The following NEO1 variants were observed in gnomAD, a reference collection of about 807,000 sequenced individuals.
The protein encoded by NEO1 is neogenin 1.
A neutral mutation model predicts 159.7 loss-of-function variants in NEO1; 63 were observed. That is an observed-to-expected ratio of 0.39 (90% confidence interval 0.32 to 0.49). The LOEUF is 0.49. Ranked by LOEUF, NEO1 falls within the 20% of genes least tolerant of loss-of-function variation. The pLI, the probability that NEO1 is intolerant of heterozygous loss-of-function variation, is 0.85. For missense variants in NEO1, 1,615 were observed against 1,831.0 expected (o/e 0.88, Z 2.15); for synonymous variants, 633 against 662.0 (o/e 0.96, Z 0.67).
chr15:73,288,726 GGA>G (rs1211907013), intron 24 of NEO1, among the ~76,000 whole-genome samples, 175 bp downstream of exon 24: 7 of 152,062 alleles, frequency 4.6e-5, no homozygotes, highest in Non-Finnish European at 8.8e-5. Context: ...GCTTCTTATG[GGA>G]GAGAGATTCT....
At chr15:73,242,339 G>C (rs556026914) in intron 8 of NEO1, among the ~76,000 whole-genome samples, 6 of 152,068 alleles carry the variant, frequency 3.9e-5, no homozygotes, top group Non-Finnish European at 8.8e-5. Flanking sequence ...CGGTATTCTT[G>C]CAGTAAAGTA....
intron 1 of NEO1, among the ~76,000 whole-genome samples, chr15:73,115,631 A>C (rs1191932163): frequency 6.6e-6 from 1 of 152,192 alleles, no homozygotes; most frequent in African/African-American, 2.4e-5. Flanking sequence ...GATTTTTCAC[A>C]TGAAGAAAGC....
At chr15:73,252,197 A>C (rs2254818) in intron 11 of NEO1, among the ~76,000 whole-genome samples, 14,390 of 152,262 alleles carry the variant, frequency 0.095, 910 homozygotes, top group African/African-American at 0.17. Context: ...TTAGTTGTAT[A>C]CCTGGTCACC....
chr15:73,161,252 T>C (rs1428791512), intron 5 of NEO1, among the ~76,000 whole-genome samples: 1 of 152,378 alleles, frequency 6.6e-6, no homozygotes, highest in East Asian at 1.9e-4. Context: ...CATTAAATTT[T>C]TGATACGTAT....
At chr15:73,173,734 A>C (rs1006951497) in intron 5 of NEO1, among the ~76,000 whole-genome samples, 2 of 152,346 alleles carry the variant, frequency 1.3e-5, no homozygotes, top group Admixed American at 1.3e-4. Context: ...TGTATAGCTT[A>C]CTGTATTAGT....
chr15:73,120,947 G>A (rs1004125253), intron 2 of NEO1, among the ~76,000 whole-genome samples: 4 of 152,078 alleles, frequency 2.6e-5, no homozygotes, highest in African/African-American at 4.8e-5. Context: ...ACATCTTATC[G>A]TATCTGCCTT....
intron 5 of NEO1, among the ~76,000 whole-genome samples, chr15:73,168,340 G>C (rs1404460713): frequency 7.6e-6 from 1 of 132,056 alleles, no homozygotes; most frequent in Non-Finnish European, 1.6e-5. Context: ...TGCACCACAG[G>C]GTCCAGCTAA....
At position 73,052,699 on chromosome 15, in the gene NEO1, G is replaced by C; in HGVS notation, c.24G>C (p.Arg8=). The change falls in exon 1 of 29, where the codon CGG becomes CGC. Residue 8 remains arginine (R), a synonymous_variant. Coordinates refer to ENST00000261908, the MANE Select transcript of NEO1 (RefSeq NM_002499.4). MAAERGA[R]RLLSTPSFWL... ...AGATGGCGGCGGAGCGGGGAGCCCG[G>C]CGACTCCTCAGCACCCCCTCCTTCT... is the stretch of plus-strand genomic sequence containing the variant. The C allele has an allele frequency of 7.4e-7, 1 of 1,360,168 alleles. No individual in the cohort carries two copies. The highest frequency in any genetic ancestry group is 9.5e-7 in the Non-Finnish European group (1 of 1,049,462). 84.3% of individuals were successfully genotyped at this position (1,360,168 alleles called of 1,614,324 possible).
At chr15:73,117,474 G>A (rs1435814794) in intron 2 of NEO1, among the ~76,000 whole-genome samples, 3 of 152,174 alleles carry the variant, frequency 2.0e-5, no homozygotes, top group African/African-American at 4.8e-5. Context: ...GTAGATACTA[G>A]CGTTCCTGAG....
chr15:73,173,378 G>A (rs1220805232), intron 5 of NEO1, among the ~76,000 whole-genome samples: 1 of 152,108 alleles, frequency 6.6e-6, no homozygotes, highest in Non-Finnish European at 1.5e-5. Context: ...CCCAGGAATA[G>A]GCAGATGGAT....
chr15:73,065,505 C>G (rs1267182070), intron 1 of NEO1, among the ~76,000 whole-genome samples: 2 of 152,028 alleles, frequency 1.3e-5, no homozygotes, highest in Admixed American at 1.3e-4. Flanking sequence ...TGTGTTTTTT[C>G]AACACTTTAC....
rs59520398 is a variant in NEO1 at position 73,296,148 on chromosome 15, A to G, written c.3902-2200A>G. Among the ~76,000 whole-genome samples the G allele has an allele frequency of 9.8e-3, 1,486 of 152,254 alleles. 22 individuals carry two copies. The highest frequency in any genetic ancestry group is 0.034 in the African/African-American group (1,404 of 41,538). On this transcript the variant is annotated intron_variant, in intron 26 of 28. Transcript: ENST00000261908. ...CTTTTGCGCCATCTCTTTGGCCCTC[A>G]GAAGCTTATATATCCAGTTACAGAC...
At chr15:73,284,098 C>CA (rs2041842943) in intron 23 of NEO1, among the ~76,000 whole-genome samples, 1 of 151,964 alleles carries the variant, frequency 6.6e-6, no homozygotes, top group African/African-American at 2.4e-5. Context: ...TACAGTCCTA[C>CA]ACTTGAAAGA....
At chr15:73,156,683 AT>A (rs1414983474) in intron 5 of NEO1, among the ~76,000 whole-genome samples, 1 of 152,186 alleles carries the variant, frequency 6.6e-6, no homozygotes, top group African/African-American at 2.4e-5. Context: ...AGTAGGTTTT[AT>A]GCCTAACCTC....
At chr15:73,125,672 A>G (rs971099038) in intron 3 of NEO1, among the ~76,000 whole-genome samples, 1 of 152,228 alleles carries the variant, frequency 6.6e-6, no homozygotes, top group African/African-American at 2.4e-5. Context: ...TCTGCCCACA[A>G]GAGTGTGGCC....
At chr15:73,142,308 C>T (rs1419699727) in intron 5 of NEO1, among the ~76,000 whole-genome samples, 1 of 152,108 alleles carries the variant, frequency 6.6e-6, no homozygotes, top group African/African-American at 2.4e-5. Context: ...GTTGAAGCTG[C>T]GATGACAAGC....
intron 4 of NEO1, among the ~76,000 whole-genome samples, chr15:73,134,795 G>T (rs902980146): frequency 6.6e-6 from 1 of 151,992 alleles, no homozygotes; most frequent in African/African-American, 2.4e-5. Flanking sequence ...GATCACCTGG[G>T]GTCAGGAGTT....
intron 7 of NEO1, among the ~76,000 whole-genome samples, chr15:73,215,452 C>G (rs1167343276): frequency 2.6e-5 from 4 of 152,238 alleles, no homozygotes; most frequent in African/African-American, 9.6e-5. Context: ...AAGTATGTCC[C>G]TTGTATGCTG....
chr15:73,197,395 G>A (rs533905055), intron 7 of NEO1, among the ~76,000 whole-genome samples: 2 of 152,046 alleles, frequency 1.3e-5, no homozygotes, highest in African/African-American at 4.8e-5. Context: ...AAGTATGATT[G>A]GAGATTTGTT....
Sources: allele counts gnomAD v4.1 joint callset (sites outside exome capture counted in the v4.1 genomes callset), GRCh38; gene constraint gnomAD v4.1.1; transcripts MANE v1.5; gene names NCBI Gene and HGNC (gene_info 2026-07-23, HGNC 2026-07-21).